Variants in VIPAS39 observed in about 807,000 individuals in gnomAD.
VIPAS39 encodes spermatogenesis-defective protein 39 homolog.
In VIPAS39, 63 loss-of-function variants were observed where a neutral mutation model predicts 84.7. That is an observed-to-expected ratio of 0.74 (90% CI 0.61 to 0.92). The LOEUF is 0.92. VIPAS39 is among the 40% of genes least tolerant of loss of function. The pLI, the probability that VIPAS39 is intolerant of heterozygous loss-of-function variation, is 0.00. For missense variants in VIPAS39, 499 were observed against 604.5 expected, an observed-to-expected ratio of 0.83 and a Z score of 1.83; for synonymous variants, 192 against 216.5, an observed-to-expected ratio of 0.89 and a Z score of 0.99.
chr14:77,441,668 T>C (rs182178956), intron 10 of VIPAS39, among the ~76,000 whole-genome samples: 242 of 152,276 alleles, frequency 1.6e-3, no homozygotes, highest in Non-Finnish European at 2.5e-3. Flanking sequence ...CCATGTCTTC[T>C]TTTGCAAATT....
chr14:77,449,173 A>C, intron 6 of VIPAS39, 120 bp downstream of exon 6: 1 of 1,161,444 alleles, frequency 8.6e-7, no homozygotes, highest in South Asian at 1.3e-5. Context: ...CAGTTTTCTA[A>C]TCTATAAAAC....
chr14:77,441,637 G>A (rs1437637795), intron 10 of VIPAS39, among the ~76,000 whole-genome samples: 2 of 152,264 alleles, frequency 1.3e-5, no homozygotes, highest in East Asian at 1.9e-4. Flanking sequence ...GAAGGAGGGA[G>A]GAAGCAGCCA....
At chr14:77,435,990 G>T (rs544245840) in intron 12 of VIPAS39, 71 bp from the exon 13 acceptor site, 2 of 1,495,110 alleles carry the variant, frequency 1.3e-6, no homozygotes, top group South Asian at 1.1e-5. Context: ...AAACCAAATC[G>T]CCAGCATAAG....
intron 11 of VIPAS39, among the ~76,000 whole-genome samples, chr14:77,439,613 C>T (rs1008485090): frequency 4.0e-5 from 6 of 151,866 alleles, no homozygotes; most frequent in Non-Finnish European, 7.4e-5. Context: ...AAAGTGAGAC[C>T]CCCGTCTCTA....
intron 7 of VIPAS39, among the ~76,000 whole-genome samples, chr14:77,447,969 T>TC (rs2139857754): frequency 7.0e-6 from 1 of 142,084 alleles, no homozygotes; most frequent in East Asian, 2.2e-4. Flanking sequence ...GCTTCTCTTT[T>TC]TTTTTTTTGA....
intron 1 of VIPAS39, 91 bp downstream of exon 1, chr14:77,457,404 G>A: frequency 1.3e-6 from 2 of 1,535,390 alleles, no homozygotes; most frequent in Non-Finnish European, 1.7e-6. Context: ...ATAGGGTGTA[G>A]GGATGCCTCC....
chr14:77,437,983 T>C, intron 11 of VIPAS39, 102 bp from the exon 12 acceptor site: 7 of 1,174,050 alleles, frequency 6.0e-6, no homozygotes, highest in Admixed American at 1.9e-5. Context: ...AAATTCTTCA[T>C]TTCTGGGTAT....
chr14:77,429,946 T>A (rs755389243), intron 16 of VIPAS39, among the ~76,000 whole-genome samples, 179 bp from the exon 17 acceptor site: 2 of 152,186 alleles, frequency 1.3e-5, no homozygotes, highest in Non-Finnish European at 2.9e-5. Context: ...AGAGTGGAAA[T>A]GAATCAGGTT....
chr14:77,427,520 C>T lies in VIPAS39; in HGVS notation c.*96G>A, dbSNP rs751022104. 41 of 1,521,214 alleles carry T rather than the reference C, an allele frequency of 2.7e-5. No homozygotes were observed. Among genetic ancestry groups the T allele is most frequent in the Admixed American group, 1.5e-4 (9 of 59,782 alleles). 94.2% of individuals were successfully genotyped at this position (1,521,214 alleles called of 1,614,324 possible). On this transcript the variant is annotated 3_prime_UTR_variant, in exon 20 of 20. Transcript: ENST00000557658. The stretch of plus-strand genomic sequence containing the variant: ...ACTGCCCATGGGTAATGGGCCCAAG[C>T]GATGTGATGCCGCAGCTCTCCCAAA...
intron 6 of VIPAS39, 34 bp downstream of exon 6, chr14:77,449,259 G>A (rs985993299): frequency 3.8e-6 from 6 of 1,598,722 alleles, no homozygotes; most frequent in Non-Finnish European, 5.1e-6. Flanking sequence ...TTTATACTGT[G>A]GAAAGTGTCA....
At position 77,427,453 on chromosome 14, in the gene VIPAS39, C is replaced by A; in HGVS notation, c.*163G>T. The A allele has an allele frequency of 1.3e-6, 1 of 764,186 alleles. No individual in the cohort carries two copies. The highest frequency in any genetic ancestry group is 2.2e-6 in the Non-Finnish European group (1 of 452,646). 47.3% of individuals were successfully genotyped at this position (764,186 alleles called of 1,614,324 possible). On this transcript the variant is annotated 3_prime_UTR_variant, in exon 20 of 20. Transcript: ENST00000557658. ...CGATCCTCAGATGATGTTCCTTGGA[C>A]AGAAGATCAGTCTGAAGTTATCTGT...
At chr14:77,456,753 G>A (rs980113431) in intron 1 of VIPAS39, among the ~76,000 whole-genome samples, 1 of 152,100 alleles carries the variant, frequency 6.6e-6, no homozygotes, top group Non-Finnish European at 1.5e-5. Context: ...GAGGATTTCT[G>A]GAATCTTTTT....
chr14:77,436,670 C>T (rs554683715), intron 12 of VIPAS39, among the ~76,000 whole-genome samples: 28 of 152,192 alleles, frequency 1.8e-4, no homozygotes, highest in African/African-American at 6.0e-4. Flanking sequence ...GTCTTGATCT[C>T]CTAACCTCGT....
intron 12 of VIPAS39, 68 bp downstream of exon 12, chr14:77,437,740 T>G: frequency 6.5e-7 from 1 of 1,535,176 alleles, no homozygotes; most frequent in African/African-American, 1.4e-5. Flanking sequence ...ATTCCACCCT[T>G]TTTAATTTTC....
chr14:77,445,939 CAAAA>C (rs35123201), intron 7 of VIPAS39, among the ~76,000 whole-genome samples: 1 of 100,100 alleles, frequency 1.0e-5, no homozygotes, highest in Non-Finnish European at 2.0e-5. Context: ...GACTCCATCT[CAAAA>C]AAAAAAAAAA....
At chr14:77,455,913 A>C (rs1377338984) in intron 1 of VIPAS39, among the ~76,000 whole-genome samples, 1 of 152,248 alleles carries the variant, frequency 6.6e-6, no homozygotes, top group Non-Finnish European at 1.5e-5. Context: ...TAAACCAAAA[A>C]TGCTGGCAGA....
chr14:77,440,759 C>A (rs1310229575), intron 11 of VIPAS39, among the ~76,000 whole-genome samples: 1 of 152,148 alleles, frequency 6.6e-6, no homozygotes, highest in Non-Finnish European at 1.5e-5. Flanking sequence ...CACTCTGTTG[C>A]CCAGGCTGGA....
At position 77,449,731 on chromosome 14, in the gene VIPAS39, A is replaced by C; in HGVS notation, c.365T>G (p.Phe122Cys). 1.9e-6 allele frequency: 3 copies of C among 1,614,196 alleles called. No individual in the cohort carries two copies. Among genetic ancestry groups the C allele is most frequent in the Non-Finnish European group, 2.5e-6 (3 of 1,180,038 alleles). Residue 122 changes from phenylalanine to cysteine, a missense_variant, in exon 5 of 20, where the codon TTC becomes TGC. By Grantham distance (205) the Phe-to-Cys change is radical (BLOSUM62 -2). Coordinates refer to ENST00000557658, the MANE Select transcript of VIPAS39 (RefSeq NM_001193315.2). The stretch of plus-strand genomic sequence containing the variant: ...ATGCCTACCATCAGAAAGGGACTGG[A>C]AACTTCCAGGTCTAGTTCTACCTAA... ...FFRGRTRPGS[F>C]QSLSDALSDT...
In VIPAS39 at chr14:77,444,337, C is replaced by A. The variant is rs776816272; in HGVS notation, c.509G>T (p.Cys170Phe). The change falls in exon 8 of 20, where the codon TGC becomes TTC. Residue 170 changes from cysteine (C) to phenylalanine (F), a missense_variant. Physicochemically the swap from Cys to Phe is radical, Grantham distance 205. Transcript: ENST00000557658. ...TAAGGAGCGGAATCTCTCTAGTGAG[C>A]AAACCTGGCAGAATAACACTAGAAT... ...TVRRLRKGKV[C>F]SLERFRSLQD... is the part of the protein sequence containing the mutation. The A allele has an allele frequency of 6.2e-7, 1 of 1,612,888 alleles. No homozygotes were observed. The highest frequency in any genetic ancestry group is 1.1e-5 in the South Asian group (1 of 91,048).
Sources: allele counts gnomAD v4.1 joint callset (sites outside exome capture counted in the v4.1 genomes callset), GRCh38; gene constraint gnomAD v4.1.1; transcripts MANE v1.5; gene names NCBI Gene and HGNC (gene_info 2026-07-23, HGNC 2026-07-21).